ABCA3: variants seen among roughly 807,000 people sequenced by gnomAD.
The protein encoded by ABCA3 is ATP binding cassette subfamily A member 3.
Under a neutral mutation model 172.8 loss-of-function variants are expected in ABCA3, and 88 were observed. The ratio of observed to expected loss-of-function variants is 0.51; its 90% CI spans 0.43 to 0.61. The LOEUF is 0.61. ABCA3 is among the 20% of genes least tolerant of loss of function. The pLI is 0.00. For missense variants in ABCA3, 2,164 were observed against 2,301.0 expected (o/e 0.94, Z 1.22); for synonymous variants, 1,066 against 983.8 (o/e 1.08, Z -1.56).
At chr16:2,324,376 G>T (rs781529903) in intron 6 of ABCA3, 28 bp downstream of exon 6, 72 of 1,568,412 alleles carry the variant, frequency 4.6e-5, no homozygotes, top group Non-Finnish European at 6.0e-5. Context: ...GATGGGCTGT[G>T]ACTGCTCGGC....
chr16:2,330,793 G>A (rs1296497618), intron 1 of ABCA3, among the ~76,000 whole-genome samples: 2 of 150,558 alleles, frequency 1.3e-5, no homozygotes. Flanking sequence ...CCGCCTCCCA[G>A]GTTCACGCCA....
chr16:2,317,257 C>G, intron 10 of ABCA3, 26 bp downstream of exon 10: 1 of 1,613,554 alleles, frequency 6.2e-7, no homozygotes, highest in Non-Finnish European at 8.5e-7. Flanking sequence ...TTGGCAACCC[C>G]ACTCTGCCCC....
chr16:2,283,432 T>C lies in ABCA3; in HGVS notation c.3863-74A>G. ...CCCCTTCCAGGTTCCCGGCCCCCACTCCCCTCCCCAGGCTGCTCAAGGCGC... is the reference window on the plus strand; with the variant it reads ...CCCCTTCCAGGTTCCCGGCCCCCACCCCCCTCCCCAGGCTGCTCAAGGCGC... On this transcript the variant is annotated intron_variant, in intron 25 of 32. Transcript: ENST00000301732. The surrounding 1 kb of genome is among the most constrained non-coding windows in gnomAD (Gnocchi z 5.4). The C allele has an allele frequency of 1.2e-5, 18 of 1,546,898 alleles. No individual in the cohort carries two copies. The highest frequency in any genetic ancestry group is 1.5e-5 in the Non-Finnish European group (17 of 1,133,718).
In ABCA3 at chr16:2,299,544, G is replaced by T; in HGVS notation, c.1612-12C>A. 1 of 1,612,310 alleles carries T rather than the reference G, an allele frequency of 6.2e-7. No individual in the cohort carries two copies. On this transcript the variant is annotated splice_polypyrimidine_tract_variant and intron_variant, in intron 13 of 32. Transcript: ENST00000301732. ...CCCACCCTGAACACCTGCAGGAAAG[G>T]CAGAGGCTGCCCTGGGCTACCCACA...
Position 2,301,042 on chromosome 16 carries a change from A to G in ABCA3, c.1468-894T>C, listed in dbSNP as rs553907814. 1.9e-4 allele frequency among the ~76,000 whole-genome samples: 28 copies of G among 150,346 alleles called. 1 individual carries two copies. The East Asian group carries it at 4.7e-3, about 25-fold the overall frequency. ...TCAGGAGATCGAGACCATCCTGGCT[A>G]ACACGGTGAAACCCCGTCTCTACTA... On this transcript the variant is annotated intron_variant, in intron 12 of 32. Transcript: ENST00000301732.
At position 2,285,327 on chromosome 16, in the gene ABCA3, C is replaced by T. The variant is rs532684134; in HGVS notation, c.3483+115G>A. ...GGGATTCCAGCTGTCCTCCCTGAGT[C>T]GGGCCGAGCTGCCGGCCTAGGGGCT... On this transcript the variant is annotated intron_variant, in intron 23 of 32. Coordinates refer to ENST00000301732, the MANE Select transcript of ABCA3 (RefSeq NM_001089.3). The surrounding 1 kb of genome is among the most constrained non-coding windows in gnomAD (Gnocchi z 4.7). 8.6e-6 allele frequency: 11 copies of T among 1,285,394 alleles called. No homozygotes were observed. The highest frequency in any genetic ancestry group is 4.4e-5 in the African/African-American group (3 of 68,000). The allele number at this position is 1,285,394 out of a possible 1,614,324, so 79.6% of individuals were successfully genotyped here.
rs1338564623 is a variant in ABCA3, at chr16:2,279,637, ACCTTCAGCAGCTG to A, written c.4360-520_4360-508del. ...CGTGCCTGCTGCCATCTGCTTAGCT[ACCTTCAGCAGCTG>A]GTCGGGGGCAGGAGTGCCTGGGTTC... On this transcript the variant is annotated intron_variant, in intron 28 of 32. Transcript: ENST00000301732. The surrounding 1 kb of genome is among the most constrained non-coding windows in gnomAD (Gnocchi z 4.4). Among the ~76,000 whole-genome samples the A allele has an allele frequency of 1.3e-5, 2 of 152,030 alleles. No homozygotes were observed. The highest frequency in any genetic ancestry group is 2.9e-5 in the Non-Finnish European group (2 of 68,016).
At position 2,281,496 on chromosome 16, in the gene ABCA3, G is replaced by T; in HGVS notation, c.4049C>A (p.Thr1350Asn). 1.3e-6 allele frequency: 2 copies of T among 1,515,178 alleles called. No individual in the cohort carries two copies. The highest frequency in any genetic ancestry group is 1.8e-6 in the Non-Finnish European group (2 of 1,117,572). The allele number at this position is 1,515,178 out of a possible 1,614,324, so 93.9% of individuals were successfully genotyped here. Residue 1350 changes from threonine to asparagine, a missense_variant, in exon 27 of 33, where the codon ACC (threonine) becomes AAC (asparagine). By Grantham distance (65) the Thr-to-Asn change is moderately conservative. Transcript: ENST00000301732. The surrounding 1 kb of genome is among the most constrained non-coding windows in gnomAD (Gnocchi z 4.7). ...GTCCTCAGGAAGCACAGGCATCCGG[G>T]TGTATAATTCTGTCTGATTGACCAG... Reference protein sequence around the residue: ...RRRRTLTELYTRMPVLPEDQD... With the variant: ...RRRRTLTELYNRMPVLPEDQD...
At position 2,276,432 on chromosome 16, in the gene ABCA3, C is replaced by T. The variant is rs1329078274; in HGVS notation, c.*242G>A. 1 of 731,212 alleles carries T rather than the reference C, an allele frequency of 1.4e-6. No individual in the cohort carries two copies. The highest frequency in any genetic ancestry group is 2.2e-5 in the Admixed American group (1 of 46,008). 45.3% of individuals were successfully genotyped at this position (731,212 alleles called of 1,614,324 possible). On this transcript the variant is annotated 3_prime_UTR_variant, in exon 33 of 33. Coordinates refer to ENST00000301732, the MANE Select transcript of ABCA3 (RefSeq NM_001089.3). Reference sequence around the variant, plus strand: ...GGAGCTTGCCCGCAGACTGCCCGGCCTGCCCCAGCTCTGGGAAAGTGAACT... The same window carrying T: ...GGAGCTTGCCCGCAGACTGCCCGGCTTGCCCCAGCTCTGGGAAAGTGAACT...
In ABCA3 at chr16:2,285,796, T is replaced by C; in HGVS notation, c.3279-150A>G. On this transcript the variant is annotated intron_variant, in intron 22 of 32. Coordinates refer to ENST00000301732, the MANE Select transcript of ABCA3 (RefSeq NM_001089.3). This position sits in a 1 kb window ranked among gnomAD's most constrained non-coding sequence, Gnocchi z 4.7. Reference sequence around the variant, plus strand: ...GGAGAGCACAAGCACCATGGTTCCATACCGGGAACATCTGCCCCCACCGGA... The same window carrying C: ...GGAGAGCACAAGCACCATGGTTCCACACCGGGAACATCTGCCCCCACCGGA... 2 of 767,870 alleles carry C rather than the reference T, an allele frequency of 2.6e-6. No homozygotes were observed. The highest frequency in any genetic ancestry group is 4.4e-6 in the Non-Finnish European group (2 of 451,558). 47.6% of individuals were successfully genotyped at this position (767,870 alleles called of 1,614,324 possible). A position where few individuals can be genotyped will look rare whatever the true frequency, so the allele number is the denominator to read the frequency against.
At chr16:2,317,878 G>A (rs2093718993) in intron 8 of ABCA3, 114 bp from the exon 9 acceptor site, 7 of 903,252 alleles carry the variant, frequency 7.7e-6, no homozygotes, top group African/African-American at 1.6e-5. Flanking sequence ...CCCTGCATTC[G>A]ACAGGGTCTT....
At position 2,319,836 on chromosome 16, in the gene ABCA3, G is replaced by A. The variant is rs999589767; in HGVS notation, c.618C>T (p.Tyr206=). 42 of 1,613,574 alleles carry A rather than the reference G, an allele frequency of 2.6e-5. 1 individual carries two copies. Among genetic ancestry groups the A allele is most frequent in the South Asian group, 1.1e-5 (1 of 91,090 alleles). Residue 206 remains tyrosine (Y), a synonymous_variant, in exon 8 of 33, where the codon TAC becomes TAT. Transcript: ENST00000301732. Reference sequence around the variant, plus strand: ...GCACGGCCAGGAAGCCTTCCCGGATGTACCCTGGGTGCGGGAGCAGAGGAT... The same window carrying A: ...GCACGGCCAGGAAGCCTTCCCGGATATACCCTGGGTGCGGGAGCAGAGGAT... The part of the protein sequence containing the change: ...PTSPDGGEPG[Y]IREGFLAVQH...
At position 2,300,191 on chromosome 16, in the gene ABCA3, C is replaced by G. The variant is rs374472261; in HGVS notation, c.1468-43G>C. On this transcript the variant is annotated intron_variant, in intron 12 of 32. Coordinates refer to ENST00000301732, the MANE Select transcript of ABCA3 (RefSeq NM_001089.3). ...AGCTGTCAGTTTGTTTTGTTTGTGA[C>G]GAGCAAAGCAACAACCAGCAGACAC... 4 of 1,611,874 alleles carry G rather than the reference C, an allele frequency of 2.5e-6. No individual in the cohort carries two copies. The South Asian group carries it at 3.3e-5, about 13-fold the overall frequency.
chr16:2,293,367 CTT>C (rs71148126), intron 18 of ABCA3, among the ~76,000 whole-genome samples: 17 of 103,402 alleles, frequency 1.6e-4, no homozygotes, highest in Non-Finnish European at 2.3e-4. Context: ...GCCAAAATGC[CTT>C]TTTTTTTTTT....
intron 14 of ABCA3, 103 bp downstream of exon 14, chr16:2,299,300 G>A: frequency 6.5e-7 from 1 of 1,529,550 alleles, no homozygotes. Flanking sequence ...TGTGGTTGGG[G>A]AAGGCCCGAA....
chr16:2,276,218 A>G lies in ABCA3; in HGVS notation c.*456T>C. 4.6e-6 allele frequency: 2 copies of G among 439,330 alleles called. No individual in the cohort carries two copies. Among genetic ancestry groups the G allele is most frequent in the South Asian group, 1.6e-5 (1 of 61,860 alleles). 27.2% of individuals were successfully genotyped at this position (439,330 alleles called of 1,614,324 possible). Reference sequence around the variant, plus strand: ...CCACTGACAGTGATCTGCATGGTCCATTCCTGGCGGCCTGGGGGCCTCGCT... The same window carrying G: ...CCACTGACAGTGATCTGCATGGTCCGTTCCTGGCGGCCTGGGGGCCTCGCT... On this transcript the variant is annotated 3_prime_UTR_variant, in exon 33 of 33. Coordinates refer to ENST00000301732, the MANE Select transcript of ABCA3 (RefSeq NM_001089.3).
rs371652665 is a variant in ABCA3, at chr16:2,320,201, C to G, written c.614-361G>C. 6.8e-4 allele frequency among the ~76,000 whole-genome samples: 103 copies of G among 151,818 alleles called. 4 individuals are homozygous for G. The East Asian group carries it at 0.02, about 29-fold the overall frequency. The stretch of plus-strand genomic sequence containing the variant: ...GCAACCTCCACCTCCCAGGTTCAAG[C>G]GATTCTCCTGCCTCAGCCTCCCGAG... On this transcript the variant is annotated intron_variant, in intron 7 of 32. Coordinates refer to ENST00000301732, the MANE Select transcript of ABCA3 (RefSeq NM_001089.3).
intron 10 of ABCA3, among the ~76,000 whole-genome samples, chr16:2,309,850 G>T (rs2093703691): frequency 6.6e-6 from 1 of 152,020 alleles, no homozygotes; most frequent in Non-Finnish European, 1.5e-5. Flanking sequence ...AAGCTCCTAG[G>T]CTCAAGGGAT....
rs555941598 is a variant in ABCA3, at chr16:2,285,095, C to G, written c.3484-97G>C. 3 of 1,361,672 alleles carry G rather than the reference C, an allele frequency of 2.2e-6. No individual in the cohort carries two copies. Among genetic ancestry groups the G allele is most frequent in the African/African-American group, 1.4e-5 (1 of 69,396 alleles). 84.3% of individuals were successfully genotyped at this position (1,361,672 alleles called of 1,614,324 possible). A position where few individuals can be genotyped will look rare whatever the true frequency, so the allele number is the denominator to read the frequency against. On this transcript the variant is annotated intron_variant, in intron 23 of 32. Transcript: ENST00000301732. This position sits in a 1 kb window ranked among gnomAD's most constrained non-coding sequence, Gnocchi z 4.7. ...AGGAGCATTTGGAGGTCCTCAGACC[C>G]CTCCCGGTCAGCTGGCCCATGTCCA...
Sources: allele counts gnomAD v4.1 joint callset (sites outside exome capture counted in the v4.1 genomes callset), GRCh38; gene constraint gnomAD v4.1.1; non-coding constraint Gnocchi (gnomAD v3.1); transcripts MANE v1.5; gene names NCBI Gene and HGNC (gene_info 2026-07-23, HGNC 2026-07-21).